The following SLIT3 variants were observed in gnomAD, a reference collection of about 807,000 sequenced individuals.
The protein encoded by SLIT3 is slit guidance ligand 3, also known as slit homolog 3 protein.
In SLIT3, 68 loss-of-function variants were observed where a neutral mutation model predicts 184.0. The observed-to-expected ratio is 0.37, with a 90% CI of 0.30 to 0.45. The LOEUF is 0.45. Among genes scored for constraint, SLIT3 ranks in the 20% least tolerant of loss-of-function variants. SLIT3 has a pLI of 1.00. For synonymous variants in SLIT3, 831 were observed against 828.6 expected (o/e 1.00, Z -0.05); for missense variants, 1,707 against 2,026.0 (o/e 0.84, Z 3.02).
At chr5:169,208,387 T>C (rs780148919) in intron 3 of SLIT3, among the ~76,000 whole-genome samples, 1 of 152,202 alleles carries the variant, frequency 6.6e-6, no homozygotes, top group Admixed American at 6.5e-5. Context: ...GTGGTATTCC[T>C]AGATATTTTA....
intron 1 of SLIT3, among the ~76,000 whole-genome samples, chr5:169,255,884 C>T (rs1405036470): frequency 2.6e-5 from 4 of 151,350 alleles, no homozygotes; most frequent in Admixed American, 2.6e-4. Flanking sequence ...CTCTGTCCCT[C>T]AAAAAAAAGT....
chr5:168,877,455 A>T (rs1387515760), intron 5 of SLIT3, among the ~76,000 whole-genome samples: 1 of 152,214 alleles, frequency 6.6e-6, no homozygotes, highest in Non-Finnish European at 1.5e-5. Context: ...GCCTTGCAGG[A>T]CAAGACCAGG....
At chr5:169,045,227 G>T (rs1056935630) in intron 4 of SLIT3, among the ~76,000 whole-genome samples, 8 of 152,094 alleles carry the variant, frequency 5.3e-5, no homozygotes, top group African/African-American at 1.9e-4. Context: ...GTTGGGAGGG[G>T]TGACTCCTGT....
chr5:168,855,049 C>A (rs1345222114), intron 5 of SLIT3, among the ~76,000 whole-genome samples: 1 of 152,206 alleles, frequency 6.6e-6, no homozygotes, highest in East Asian at 1.9e-4. Context: ...ATAATGAATG[C>A]CTGAACTTAT....
intron 4 of SLIT3, among the ~76,000 whole-genome samples, chr5:168,901,300 C>T (rs941481291): frequency 1.3e-5 from 2 of 152,054 alleles, no homozygotes; most frequent in African/African-American, 4.8e-5. Flanking sequence ...GGGGGCGGAG[C>T]TTGCAGTGAG....
At chr5:168,975,756 T>C (rs1248820195) in intron 4 of SLIT3, among the ~76,000 whole-genome samples, 2 of 152,200 alleles carry the variant, frequency 1.3e-5, no homozygotes, top group East Asian at 3.9e-4. Flanking sequence ...TAGAAACCTG[T>C]TCCTCACTCC....
At chr5:168,705,008 T>G (rs2113297559) in intron 26 of SLIT3, among the ~76,000 whole-genome samples, 1 of 152,302 alleles carries the variant, frequency 6.6e-6, no homozygotes, top group South Asian at 2.1e-4. Context: ...CTGAGGAAAC[T>G]GAGGTGAGGA....
chr5:169,171,092 T>C (rs926161241), intron 4 of SLIT3, among the ~76,000 whole-genome samples: 2 of 152,196 alleles, frequency 1.3e-5, no homozygotes, highest in African/African-American at 4.8e-5. Flanking sequence ...CTGACCATGC[T>C]GAGGAATTCA....
chr5:169,073,781 T>C (rs1409762435), intron 4 of SLIT3, among the ~76,000 whole-genome samples: 1 of 152,138 alleles, frequency 6.6e-6, no homozygotes. Flanking sequence ...TCTGCAATGA[T>C]TGTAAACTCC....
chr5:169,018,993 G>A (rs541883357), intron 4 of SLIT3, among the ~76,000 whole-genome samples: 27 of 152,272 alleles, frequency 1.8e-4, no homozygotes, highest in African/African-American at 6.3e-4. Flanking sequence ...AACTAGTCAC[G>A]CCCCGAGTCT....
chr5:168,748,444 G>A lies in SLIT3; in HGVS notation c.2138-10C>T, dbSNP rs763931600. ...CTACTCTCCTCGTTGCCTGTGGAGA[G>A]CCCCAGAGAGGGTGAGGGTTGTGGG... On this transcript the variant is annotated splice_polypyrimidine_tract_variant and intron_variant, in intron 19 of 35. Transcript: ENST00000519560. The A allele has an allele frequency of 5.9e-6, 9 of 1,519,556 alleles. No homozygotes were observed. The highest frequency in any genetic ancestry group is 5.8e-5 in the African/African-American group (4 of 68,660). 94.1% of individuals were successfully genotyped at this position (1,519,556 alleles called of 1,614,324 possible).
At chr5:169,298,197 G>GC (rs1034356762) in intron 1 of SLIT3, among the ~76,000 whole-genome samples, 7 of 152,106 alleles carry the variant, frequency 4.6e-5, no homozygotes, top group African/African-American at 1.7e-4. Flanking sequence ...ATGCACCCTG[G>GC]CCAAAGTGGC....
intron 4 of SLIT3, among the ~76,000 whole-genome samples, chr5:168,997,528 AAAAGACC>A (rs1755557136): frequency 6.6e-6 from 1 of 152,140 alleles, no homozygotes; most frequent in Admixed American, 6.5e-5. Context: ...TGGGAGAGGC[AAAAGACC>A]CCACAGAGTC....
intron 4 of SLIT3, among the ~76,000 whole-genome samples, chr5:168,896,056 A>T (rs1760650242): frequency 6.6e-6 from 1 of 152,218 alleles, no homozygotes; most frequent in Admixed American, 6.5e-5. Context: ...GAAACTTCTA[A>T]AATGCTTCCT....
chr5:168,935,378 T>C (rs1343021873), intron 4 of SLIT3, among the ~76,000 whole-genome samples: 1 of 152,168 alleles, frequency 6.6e-6, no homozygotes, highest in Non-Finnish European at 1.5e-5. Flanking sequence ...AAGCCTTCCC[T>C]GACTTCATCA....
chr5:169,229,876 G>C (rs973842049), intron 3 of SLIT3, among the ~76,000 whole-genome samples: 2 of 152,128 alleles, frequency 1.3e-5, no homozygotes, highest in African/African-American at 4.8e-5. Flanking sequence ...AAAATTAAGG[G>C]GGAAGGAGTA....
chr5:168,846,287 C>T (rs1029749913), intron 5 of SLIT3, among the ~76,000 whole-genome samples: 2 of 152,102 alleles, frequency 1.3e-5, no homozygotes, highest in South Asian at 2.1e-4. Flanking sequence ...TTTCAGTTGG[C>T]GAGTTCTGTA....
At chr5:169,023,723 T>C (rs936465708) in intron 4 of SLIT3, 15 of 152,152 alleles carry the variant, frequency 9.9e-5, no homozygotes, top group Non-Finnish European at 1.9e-4. Context: ...AGGGCTTACC[T>C]GTCTGGTGCC....
intron 4 of SLIT3, among the ~76,000 whole-genome samples, chr5:169,108,844 G>A (rs892114932): frequency 6.6e-6 from 1 of 152,160 alleles, no homozygotes; most frequent in Non-Finnish European, 1.5e-5. Flanking sequence ...CTAAAACATT[G>A]CCTAGCACAG....
Sources: allele counts gnomAD v4.1 joint callset (sites outside exome capture counted in the v4.1 genomes callset), GRCh38; gene constraint gnomAD v4.1.1; transcripts MANE v1.5; gene names NCBI Gene and HGNC (gene_info 2026-07-23, HGNC 2026-07-21).